Variants in C3AR1 observed in about 807,000 individuals in gnomAD.
The protein encoded by C3AR1 is complement C3a receptor 1.
For synonymous variants in C3AR1, 208 were observed against 225.3 expected, an observed-to-expected ratio of 0.92 and a Z score of 0.69; for missense variants, 579 against 583.5, an observed-to-expected ratio of 0.99 and a Z score of 0.08.
Position 8,063,730 on chromosome 12 carries a change from C to T in C3AR1, c.-11+2548G>A, listed in dbSNP as rs766767842. The stretch of plus-strand genomic sequence containing the variant: ...AAAAGGAGTCTTATTCATAAATGCT[C>T]ATTTCACATAATTTAACATAATGCC... On this transcript the variant is annotated intron_variant, in intron 1 of 1. Coordinates refer to ENST00000307637, the MANE Select transcript of C3AR1 (RefSeq NM_004054.4). 2.6e-5 allele frequency among the ~76,000 whole-genome samples: 4 copies of T among 152,160 alleles called. No individual in the cohort carries two copies. In the East Asian group the frequency reaches 7.7e-4, roughly 29 times the overall value.
In C3AR1 at chr12:8,059,068, C is replaced by T; in HGVS notation, c.1118G>A (p.Ser373Asn). The T allele has an allele frequency of 1.9e-6, 3 of 1,614,186 alleles. No homozygotes were observed. Among genetic ancestry groups the T allele is most frequent in the East Asian group, 2.2e-5 (1 of 44,886 alleles). Residue 373 changes from serine (S) to asparagine (N), a missense_variant, in exon 2 of 2, where the codon AGC becomes AAC. Coordinates refer to ENST00000307637, the MANE Select transcript of C3AR1 (RefSeq NM_004054.4). ...MQRGRFAKSQSKTFRVAVVVV... is the reference protein window; with the variant it reads ...MQRGRFAKSQNKTFRVAVVVV... ...CACCACGGCCACTCGAAAGGTTTTG[C>T]TCTGAGACTTGGCGAAGCGGCCCCT...
chr12:8,057,085 CAT>C lies in C3AR1; in HGVS notation c.*1650_*1651del, dbSNP rs772911171. Among the ~76,000 whole-genome samples, 44 of 152,254 alleles carry C rather than the reference CAT, an allele frequency of 2.9e-4. No homozygotes were observed. The East Asian group carries it at 8.5e-3, about 29-fold the overall frequency. Reference sequence around the variant, plus strand: ...GATAGTGTCTTGCAGGTCTAAAACACATGTCATTTTCTGTTTTTAGACTACAT... The same window carrying C: ...GATAGTGTCTTGCAGGTCTAAAACACGTCATTTTCTGTTTTTAGACTACAT... On this transcript the variant is annotated 3_prime_UTR_variant, in exon 2 of 2. Transcript: ENST00000307637.
intron 1 of C3AR1, among the ~76,000 whole-genome samples, chr12:8,062,343 C>G (rs1947282791): frequency 6.6e-6 from 1 of 151,926 alleles, no homozygotes; most frequent in Admixed American, 6.6e-5. Flanking sequence ...TGTTTTGTTT[C>G]TGTTTGTAAA....
chr12:8,063,226 G>C (rs1324655434), intron 1 of C3AR1, among the ~76,000 whole-genome samples: 1 of 152,118 alleles, frequency 6.6e-6, no homozygotes, highest in African/African-American at 2.4e-5. Context: ...AAAGTCCCGG[G>C]ATTACAGATG....
chr12:8,064,366 G>T (rs895110284), intron 1 of C3AR1, among the ~76,000 whole-genome samples: 2 of 152,068 alleles, frequency 1.3e-5, no homozygotes, highest in Admixed American at 1.3e-4. Flanking sequence ...ATGATTAGCA[G>T]AAGTTAAAAT....
intron 1 of C3AR1, among the ~76,000 whole-genome samples, chr12:8,064,635 G>T (rs1947310928): frequency 6.8e-6 from 1 of 147,150 alleles, no homozygotes; most frequent in Admixed American, 7.0e-5. Context: ...GTTGTGGTGA[G>T]CCGAGGTTGC....
In C3AR1 at chr12:8,060,080, G is replaced by T. The variant is rs1565636232; in HGVS notation, c.106C>A (p.Leu36Met). The T allele has an allele frequency of 1.2e-6, 2 of 1,614,138 alleles. No homozygotes were observed. The highest frequency in any genetic ancestry group is 1.7e-6 in the Non-Finnish European group (2 of 1,180,016). The change falls in exon 2 of 2, where the codon CTG (leucine) becomes ATG (methionine). Residue 36 changes from leucine to methionine, a missense_variant. Physicochemically the swap from Leu to Met is conservative, Grantham distance 15 (BLOSUM62 2). Coordinates refer to ENST00000307637, the MANE Select transcript of C3AR1 (RefSeq NM_004054.4). ...ACCAGCCCATTGCCTGGCAATCCCAGTAAAAAAGTAAGGCTGAGAATGACC... is the reference window on the plus strand; with the variant it reads ...ACCAGCCCATTGCCTGGCAATCCCATTAAAAAAGTAAGGCTGAGAATGACC... Reference protein sequence around the residue: ...SMVILSLTFLLGLPGNGLVLW... With the variant: ...SMVILSLTFLMGLPGNGLVLW...
intron 1 of C3AR1, 111 bp downstream of exon 1, chr12:8,066,167 A>G (rs1947328884): frequency 6.6e-6 from 1 of 152,274 alleles, no homozygotes; most frequent in South Asian, 2.1e-4. Context: ...AAAAGAATTC[A>G]AAGTCAGAGA....
Position 8,057,523 on chromosome 12 carries a change from G to T in C3AR1, c.*1214C>A, listed in dbSNP as rs754357514. On this transcript the variant is annotated 3_prime_UTR_variant, in exon 2 of 2. Transcript: ENST00000307637. ...CTAAAATTGTGCAAGGATTATCTCTGGGAAATGAGAGTGGGAGGAGGGAAC... is the reference window on the plus strand; with the variant it reads ...CTAAAATTGTGCAAGGATTATCTCTTGGAAATGAGAGTGGGAGGAGGGAAC... 2.2e-4 allele frequency among the ~76,000 whole-genome samples: 33 copies of T among 152,270 alleles called. No homozygotes were observed. Among genetic ancestry groups the T allele is most frequent in the South Asian group, 1.2e-3 (6 of 4,828 alleles).
intron 1 of C3AR1, among the ~76,000 whole-genome samples, chr12:8,065,252 C>CGT: frequency 6.6e-6 from 1 of 150,680 alleles, no homozygotes; most frequent in South Asian, 2.1e-4. Context: ...GGACTGCAAA[C>CGT]AGCAAAATTT....
rs934580299 is a variant in C3AR1, at chr12:8,057,043, A to T, written c.*1694T>A. On this transcript the variant is annotated 3_prime_UTR_variant, in exon 2 of 2. Transcript: ENST00000307637. ...TAAAAAATCTGTAGTCCAGACCCTC[A>T]CCTCAGCCATTGAACAGATAGTGTC... 7.2e-5 allele frequency among the ~76,000 whole-genome samples: 11 copies of T among 152,278 alleles called. No individual in the cohort carries two copies. The highest frequency in any genetic ancestry group is 1.4e-4 in the African/African-American group (6 of 41,556).
chr12:8,060,280 TAAAG>T, intron 1 of C3AR1, 85 bp from the exon 2 acceptor site: 8 of 1,156,656 alleles, frequency 6.9e-6, no homozygotes, highest in Non-Finnish European at 9.9e-6. Context: ...TCTTCCCACA[TAAAG>T]ATGTGGGATC....
rs759834035 is a variant in C3AR1 at position 8,058,859 on chromosome 12, T to C, written c.1327A>G (p.Arg443Gly). The stretch of plus-strand genomic sequence containing the variant: ...TGAATGGACTGCCTTGCTTTCTTCC[T>C]AAAATCTTTCCCCAAGAGGGCATAA... ...FLYALLGKDF[R>G]KKARQSIQGI... Residue 443 changes from arginine to glycine, a missense_variant, in exon 2 of 2, where the codon AGG becomes GGG. Coordinates refer to ENST00000307637, the MANE Select transcript of C3AR1 (RefSeq NM_004054.4). 2 of 1,614,184 alleles carry C rather than the reference T, an allele frequency of 1.2e-6. No individual in the cohort carries two copies. The highest frequency in any genetic ancestry group is 8.5e-7 in the Non-Finnish European group (1 of 1,180,028).
chr12:8,063,008 A>T (rs141239031), intron 1 of C3AR1, among the ~76,000 whole-genome samples: 165 of 109,302 alleles, frequency 1.5e-3, no homozygotes, highest in African/African-American at 5.0e-3. Flanking sequence ...CCCAGGCTGG[A>T]GTGCAATGGT....
In C3AR1 at chr12:8,059,403, AG is replaced by A; in HGVS notation, c.782del (p.Pro261LeufsTer34). 6.2e-7 allele frequency: 1 copy of A among 1,614,112 alleles called. No homozygotes were observed. The highest frequency in any genetic ancestry group is 2.2e-5 in the East Asian group (1 of 44,886). ...SQNLYSNVFK[P>X]ADVVSPKIPS... ...GGATTTTAGGTGAGACCACATCAGC[AG>A]GTTTAAATACATTAGAATACAGATT... On this transcript the variant is annotated frameshift_variant, in exon 2 of 2. Transcript: ENST00000307637. LOFTEE classifies it low-confidence loss of function (END_TRUNC).
chr12:8,058,668 C>T lies in C3AR1; in HGVS notation c.*69G>A, dbSNP rs1947221639. The T allele has an allele frequency of 2.0e-5, 30 of 1,511,880 alleles. No individual in the cohort carries two copies. Among genetic ancestry groups the T allele is most frequent in the Non-Finnish European group, 2.7e-5 (30 of 1,123,262 alleles). The allele number at this position is 1,511,880 out of a possible 1,614,324, so 93.7% of individuals were successfully genotyped here. On this transcript the variant is annotated 3_prime_UTR_variant, in exon 2 of 2. Coordinates refer to ENST00000307637, the MANE Select transcript of C3AR1 (RefSeq NM_004054.4). ...TTGAAGTCCGCTGCTCACCATATCA[C>T]TTCATCCTCTTATAAACTTTCACTA... is the stretch of plus-strand genomic sequence containing the variant.
At position 8,059,577 on chromosome 12, in the gene C3AR1, C is replaced by T. The variant is rs138822577; in HGVS notation, c.609G>A (p.Pro203=). 166 of 1,614,134 alleles carry T rather than the reference C, an allele frequency of 1.0e-4. 2 individuals carry two copies. The South Asian group carries it at 1.4e-3, about 13-fold the overall frequency. The stretch of plus-strand genomic sequence containing the variant: ...CTAACCTATCATTCATTTCTCCAGG[C>T]GGCTGAACAATGTTTTCAAGAGACC... ...ENRSLENIVQ[P]PGEMNDRLDP... is the part of the protein sequence containing the mutation. The change falls in exon 2 of 2, where the codon CCG becomes CCA. Residue 203 remains proline, a synonymous_variant. Transcript: ENST00000307637.
chr12:8,060,163 G>A lies in C3AR1; in HGVS notation c.23C>T (p.Thr8Ile), dbSNP rs1947260796. MASFSAE[T>I]NSTDLLSQPW... ...CTGTGAGAGTAGGTCAGTTGAATTG[G>A]TCTCAGCAGAGAAAGACGCCATTGC... Residue 8 changes from threonine to isoleucine, a missense_variant, in exon 2 of 2, where the codon ACC (threonine) becomes ATC (isoleucine). Coordinates refer to ENST00000307637, the MANE Select transcript of C3AR1 (RefSeq NM_004054.4). 1 of 1,608,852 alleles carries A rather than the reference G, an allele frequency of 6.2e-7. No individual in the cohort carries two copies. The highest frequency in any genetic ancestry group is 1.1e-5 in the South Asian group (1 of 90,674).
rs145040899 is a variant in C3AR1, at chr12:8,059,387, G to A, written c.799C>T (p.Pro267Ser). The A allele has an allele frequency of 5.6e-6, 9 of 1,614,038 alleles. No individual in the cohort carries two copies. In the African/African-American group the frequency reaches 6.7e-5, roughly 12 times the overall value. ...ATAGGAAACCCACTGGGGATTTTAG[G>A]TGAGACCACATCAGCAGGTTTAAAT... ...NVFKPADVVSPKIPSGFPIED... is the reference protein window; with the variant it reads ...NVFKPADVVSSKIPSGFPIED... Residue 267 changes from proline (P) to serine (S), a missense_variant, in exon 2 of 2, where the codon CCT (proline) becomes TCT (serine). Transcript: ENST00000307637.
Sources: gnomAD v4.1 joint callset for allele counts (sites outside exome capture counted in the v4.1 genomes callset) on GRCh38, gnomAD v4.1.1 for gene constraint, MANE v1.5 for transcripts, NCBI Gene and HGNC (gene_info 2026-07-23, HGNC 2026-07-21) for gene names.